The following NOL4 variants were observed in gnomAD, a reference collection of about 807,000 sequenced individuals.
NOL4 encodes the protein cancer/testis antigen 125.
A neutral mutation model predicts 75.9 loss-of-function variants in NOL4; 17 were observed. The observed-to-expected ratio is 0.22, with a 90% confidence interval of 0.15 to 0.34. NOL4 has a LOEUF of 0.34. Among genes scored for constraint, NOL4 ranks in the 10% least tolerant of loss-of-function variants. The probability of loss-of-function intolerance (pLI) is 1.00; values close to 1 mark genes in which losing one functional copy is unlikely to be tolerated. For missense variants in NOL4, 614 were observed against 793.5 expected (o/e 0.77, Z 2.72); for synonymous variants, 292 against 289.9 (o/e 1.01, Z -0.07).
chr18:34,173,415 ATG>A (rs1320093545), intron 1 of NOL4, among the ~76,000 whole-genome samples: 1 of 152,160 alleles, frequency 6.6e-6, no homozygotes, highest in Non-Finnish European at 1.5e-5. Flanking sequence ...ATACATAAAA[ATG>A]TTATCTATGA....
chr18:34,000,945 A>G (rs1236579620), intron 6 of NOL4, among the ~76,000 whole-genome samples: 1 of 152,196 alleles, frequency 6.6e-6, no homozygotes, highest in Non-Finnish European at 1.5e-5. Flanking sequence ...ATTATTTTCT[A>G]AAGGAATTAT....
intron 5 of NOL4, among the ~76,000 whole-genome samples, chr18:34,079,677 C>A (rs2077910654): frequency 6.6e-6 from 1 of 152,010 alleles, no homozygotes; most frequent in South Asian, 2.1e-4. Context: ...CTTTCCCACA[C>A]ACATATGATT....
At position 34,141,613 on chromosome 18, in the gene NOL4, G is replaced by A. The variant is rs573809087; in HGVS notation, c.265-11593C>T. Among the ~76,000 whole-genome samples the A allele has an allele frequency of 2.3e-3, 351 of 152,292 alleles. 2 individuals are homozygous for A. The highest frequency in any genetic ancestry group is 3.4e-3 in the Non-Finnish European group (229 of 68,024). On this transcript the variant is annotated intron_variant, in intron 1 of 10. Coordinates refer to ENST00000261592, the MANE Select transcript of NOL4 (RefSeq NM_003787.5). ...TTCCCTATTTAATAAATGGTGCTGG[G>A]AAAACTGGCTAGCTATATGTAGAAA...
intron 9 of NOL4, among the ~76,000 whole-genome samples, chr18:33,884,803 T>A (rs926436333): frequency 2.0e-5 from 3 of 152,132 alleles, no homozygotes; most frequent in Non-Finnish European, 4.4e-5. Context: ...AATATGAAAT[T>A]AGTTTGCTCT....
intron 5 of NOL4, among the ~76,000 whole-genome samples, chr18:34,034,740 AC>A (rs747407730): frequency 6.8e-6 from 1 of 146,706 alleles, no homozygotes; most frequent in Non-Finnish European, 1.5e-5. Context: ...ACCCTGCCCC[AC>A]CCCACCCCCC....
chr18:33,940,688 T>C (rs2068417402), intron 9 of NOL4, among the ~76,000 whole-genome samples: 1 of 150,622 alleles, frequency 6.6e-6, no homozygotes, highest in Non-Finnish European at 1.5e-5. Context: ...GAACTTAAAG[T>C]ACAAAAAACA....
rs115820625 is a variant in NOL4, at chr18:33,904,862, T to C, written c.1543-21438A>G. Reference sequence around the variant, plus strand: ...ATCCCTGATTTGAAGAAGACTATGATGGTTACATGAATGTCAAGGGAAGCT... The same window carrying C: ...ATCCCTGATTTGAAGAAGACTATGACGGTTACATGAATGTCAAGGGAAGCT... On this transcript the variant is annotated intron_variant, in intron 9 of 10. Transcript: ENST00000261592. Among the ~76,000 whole-genome samples, 962 of 152,298 alleles carry C rather than the reference T, an allele frequency of 6.3e-3. 8 individuals carry two copies. The highest frequency in any genetic ancestry group is 0.021 in the African/African-American group (883 of 41,564).
chr18:34,218,739 A>C (rs1202130675), intron 1 of NOL4, among the ~76,000 whole-genome samples: 1 of 152,228 alleles, frequency 6.6e-6, no homozygotes, highest in African/African-American at 2.4e-5. Flanking sequence ...AGCAATGTCC[A>C]CTATAGAAGC....
chr18:34,175,120 C>T (rs988286372), intron 1 of NOL4, among the ~76,000 whole-genome samples: 8 of 152,154 alleles, frequency 5.3e-5, no homozygotes, highest in African/African-American at 1.9e-4. Context: ...TATTGCGGCA[C>T]TATTCACAAT....
At chr18:33,938,542 G>A (rs2068231652) in intron 9 of NOL4, among the ~76,000 whole-genome samples, 1 of 152,036 alleles carries the variant, frequency 6.6e-6, no homozygotes, top group South Asian at 2.1e-4. Context: ...GTGACAATGA[G>A]CTCTTTTCAT....
rs893923870 is a variant in NOL4 at position 34,153,132 on chromosome 18, T to C, written c.265-23112A>G. ...ATTAAAGGTAATGCTGCTATAAATA[T>C]TTTCGTTATATTTTTCATATACCCA... is the stretch of plus-strand genomic sequence containing the variant. On this transcript the variant is annotated intron_variant, in intron 1 of 10. Coordinates refer to ENST00000261592, the MANE Select transcript of NOL4 (RefSeq NM_003787.5). 2.6e-5 allele frequency among the ~76,000 whole-genome samples: 4 copies of C among 151,856 alleles called. No homozygotes were observed. In the East Asian group the frequency reaches 7.7e-4, roughly 29 times the overall value.
chr18:34,107,929 A>C (rs1170634687), intron 2 of NOL4, among the ~76,000 whole-genome samples: 1 of 152,146 alleles, frequency 6.6e-6, no homozygotes, highest in Non-Finnish European at 1.5e-5. Context: ...CTCAATGAAT[A>C]AGGTAGAAAA....
chr18:34,194,834 G>A (rs1160183306), intron 1 of NOL4, among the ~76,000 whole-genome samples: 31 of 152,152 alleles, frequency 2.0e-4, no homozygotes. Context: ...AGACCAGTCT[G>A]ACCAACATGG....
At chr18:34,207,927 G>A (rs1057136829) in intron 1 of NOL4, among the ~76,000 whole-genome samples, 1 of 152,204 alleles carries the variant, frequency 6.6e-6, no homozygotes, top group Non-Finnish European at 1.5e-5. Flanking sequence ...TCCATGAGCA[G>A]GGCTGCCCTC....
chr18:33,880,724 G>C (rs991165620), intron 10 of NOL4, among the ~76,000 whole-genome samples: 16 of 152,114 alleles, frequency 1.1e-4, no homozygotes, highest in Middle Eastern at 3.4e-3. Flanking sequence ...CAAATCAAAA[G>C]CCTCTTTGAA....
At chr18:34,076,177 AT>A (rs1332188514) in intron 5 of NOL4, among the ~76,000 whole-genome samples, 1 of 152,174 alleles carries the variant, frequency 6.6e-6, no homozygotes, top group Non-Finnish European at 1.5e-5. Flanking sequence ...CAGATGAATT[AT>A]GAAAAGGTTC....
At chr18:34,185,707 T>G (rs932089872) in intron 1 of NOL4, among the ~76,000 whole-genome samples, 6 of 152,128 alleles carry the variant, frequency 3.9e-5, no homozygotes, top group African/African-American at 1.2e-4. Flanking sequence ...TTCTTTCACT[T>G]TATAGAGTGC....
At chr18:34,073,814 GA>G (rs1233664844) in intron 5 of NOL4, among the ~76,000 whole-genome samples, 1 of 151,748 alleles carries the variant, frequency 6.6e-6, no homozygotes, top group African/African-American at 2.4e-5. Context: ...TTCCAGAAAA[GA>G]AAAAAACAAT....
In NOL4 at chr18:34,060,695, GAATT is replaced by G. The variant is rs143427867; in HGVS notation, c.772+32766_772+32769del. 4.2e-3 allele frequency among the ~76,000 whole-genome samples: 634 copies of G among 152,192 alleles called. 4 individuals are homozygous for G. Among genetic ancestry groups the G allele is most frequent in the Non-Finnish European group, 6.3e-3 (425 of 67,982 alleles). On this transcript the variant is annotated intron_variant, in intron 5 of 10. Coordinates refer to ENST00000261592, the MANE Select transcript of NOL4 (RefSeq NM_003787.5). ...AGTGGATGCTCAATACTTGTTGTTT[GAATT>G]AATTCATTCATTTTAGGAGGAAATG...
Sources: allele counts gnomAD v4.1 joint callset (sites outside exome capture counted in the v4.1 genomes callset), GRCh38; gene constraint gnomAD v4.1.1; transcripts MANE v1.5; gene names NCBI Gene and HGNC (gene_info 2026-07-23, HGNC 2026-07-21).